Variants in SLC4A10 observed in about 807,000 individuals in gnomAD.
SLC4A10 encodes solute carrier family 4 member 10, also known as sodium-driven chloride bicarbonate exchanger.
A neutral mutation model predicts 137.7 loss-of-function variants in SLC4A10; 42 were observed. The observed-to-expected ratio is 0.30, with a 90% CI of 0.24 to 0.39. The LOEUF is 0.39. SLC4A10 is among the 10% of genes least tolerant of loss of function. The pLI is 1.00. For synonymous variants in SLC4A10, 474 were observed against 464.1 expected (o/e 1.02, Z -0.27); for missense variants, 925 against 1,355.0 (o/e 0.68, Z 4.98).
intron 24 of SLC4A10, among the ~76,000 whole-genome samples, chr2:161,975,565 C>A (rs1013018897): frequency 6.6e-6 from 1 of 152,010 alleles, no homozygotes; most frequent in African/African-American, 2.4e-5. Flanking sequence ...CTTTGAATTA[C>A]CAGGAAACTA....
In SLC4A10 at chr2:161,904,233, T is replaced by C. The variant is rs967997592; in HGVS notation, c.1617+55T>C. The C allele has an allele frequency of 1.3e-5, 20 of 1,511,458 alleles. No individual in the cohort carries two copies. The Admixed American group carries it at 4.2e-4, about 32-fold the overall frequency. 93.6% of individuals were successfully genotyped at this position (1,511,458 alleles called of 1,614,324 possible). On this transcript the variant is annotated intron_variant, in intron 13 of 26. Transcript: ENST00000446997. Reference sequence around the variant, plus strand: ...AAACATAATCCATTTTTAAGATTCATAGTTAGATAAGTGAGCATTTAATTT... The same window carrying C: ...AAACATAATCCATTTTTAAGATTCACAGTTAGATAAGTGAGCATTTAATTT...
At chr2:161,846,977 A>T (rs926362586) in intron 4 of SLC4A10, among the ~76,000 whole-genome samples, 5 of 152,012 alleles carry the variant, frequency 3.3e-5, no homozygotes, top group African/African-American at 1.2e-4. Flanking sequence ...TCATGCCTGT[A>T]ATCCCAGCAC....
chr2:161,975,025 A>C (rs1182158334), intron 24 of SLC4A10, among the ~76,000 whole-genome samples: 1 of 152,164 alleles, frequency 6.6e-6, no homozygotes, highest in Non-Finnish European at 1.5e-5. Flanking sequence ...TTATGCCAAT[A>C]AAAATACAGA....
intron 26 of SLC4A10, among the ~76,000 whole-genome samples, chr2:161,978,247 C>T (rs1451015479): frequency 1.3e-5 from 2 of 151,488 alleles, no homozygotes. Flanking sequence ...ATTAGCCAGG[C>T]GTGGTGGCGG....
intron 3 of SLC4A10, among the ~76,000 whole-genome samples, chr2:161,833,728 G>A (rs1437261586): frequency 6.6e-6 from 1 of 152,182 alleles, no homozygotes; most frequent in Non-Finnish European, 1.5e-5. Flanking sequence ...AGAGAGTCAT[G>A]CACTTTTTAA....
intron 3 of SLC4A10, among the ~76,000 whole-genome samples, chr2:161,836,533 A>AG (rs2058790081): frequency 1.4e-4 from 1 of 7,354 alleles, no homozygotes; most frequent in East Asian, 0.016. Context: ...AGAGAGAGAG[A>AG]AAGAAAGAAA....
At chr2:161,977,483 T>G (rs1699567267) in intron 25 of SLC4A10, among the ~76,000 whole-genome samples, 1 of 152,026 alleles carries the variant, frequency 6.6e-6, no homozygotes, top group Non-Finnish European at 1.5e-5. Flanking sequence ...ATATCAACAG[T>G]CATCAAAGGA....
chr2:161,819,537 C>T (rs1219144308), intron 3 of SLC4A10, among the ~76,000 whole-genome samples: 5 of 150,808 alleles, frequency 3.3e-5, no homozygotes, highest in African/African-American at 7.3e-5. Flanking sequence ...CTCTGTTGGC[C>T]AGGCTGCAGT....
chr2:161,759,187 C>T (rs2049982350), intron 1 of SLC4A10, among the ~76,000 whole-genome samples: 1 of 151,852 alleles, frequency 6.6e-6, no homozygotes, highest in Admixed American at 6.6e-5. Flanking sequence ...CTTTCCCCAG[C>T]TTTATTGAAG....
chr2:161,755,918 T>C (rs1249879405), intron 1 of SLC4A10, among the ~76,000 whole-genome samples: 1 of 151,850 alleles, frequency 6.6e-6, no homozygotes, highest in East Asian at 1.9e-4. Context: ...TACAGGCCTG[T>C]GCCACCATGC....
chr2:161,801,295 T>G (rs999497415), intron 2 of SLC4A10, among the ~76,000 whole-genome samples: 5 of 152,052 alleles, frequency 3.3e-5, no homozygotes, highest in Non-Finnish European at 7.4e-5. Flanking sequence ...TCTTGCTCTT[T>G]TTATCATTTC....
chr2:161,635,157 C>T (rs888892114), intron 1 of SLC4A10, among the ~76,000 whole-genome samples: 5 of 151,678 alleles, frequency 3.3e-5, no homozygotes, highest in Admixed American at 1.3e-4. Flanking sequence ...AAAATGAGTG[C>T]CCTTTATGTA....
chr2:161,702,989 C>T lies in SLC4A10; in HGVS notation c.49-67984C>T, dbSNP rs377687182. Among the ~76,000 whole-genome samples the T allele has an allele frequency of 1.2e-3, 176 of 151,776 alleles. 2 individuals are homozygous for T. The South Asian group carries it at 0.02, about 17-fold the overall frequency. Reference sequence around the variant, plus strand: ...CTTTCCTTTTCCATTTTCATATTAACTTTTTGAGACCATTTTTCTACATAG... The same window carrying T: ...CTTTCCTTTTCCATTTTCATATTAATTTTTTGAGACCATTTTTCTACATAG... On this transcript the variant is annotated intron_variant, in intron 1 of 26. Transcript: ENST00000446997.
At chr2:161,832,308 A>G (rs2100213) in intron 3 of SLC4A10, among the ~76,000 whole-genome samples, 10,268 of 152,256 alleles carry the variant, frequency 0.067, 453 homozygotes, top group East Asian at 0.17. Flanking sequence ...GGCTTTTGCT[A>G]GCATCCATAA....
At chr2:161,838,366 A>G (rs1212584885) in intron 3 of SLC4A10, among the ~76,000 whole-genome samples, 1 of 152,156 alleles carries the variant, frequency 6.6e-6, no homozygotes, top group Non-Finnish European at 1.5e-5. Context: ...GTAAAATATA[A>G]TATATGAAAC....
At chr2:161,792,695 C>T (rs2054335527) in intron 2 of SLC4A10, among the ~76,000 whole-genome samples, 1 of 152,104 alleles carries the variant, frequency 6.6e-6, no homozygotes, top group African/African-American at 2.4e-5. Context: ...CCAATTAGGA[C>T]ATGTCTCAAG....
At chr2:161,805,011 A>T (rs1042577091) in intron 3 of SLC4A10, among the ~76,000 whole-genome samples, 7 of 152,138 alleles carry the variant, frequency 4.6e-5, no homozygotes, top group Non-Finnish European at 7.3e-5. Flanking sequence ...ACATACCCGG[A>T]CTAGACAATT....
intron 1 of SLC4A10, among the ~76,000 whole-genome samples, chr2:161,729,246 T>TAAAA (rs1254387535): frequency 6.6e-6 from 1 of 151,888 alleles, no homozygotes; most frequent in Non-Finnish European, 1.5e-5. Flanking sequence ...AAGAAATAAA[T>TAAAA]AAAACCATTT....
intron 15 of SLC4A10, among the ~76,000 whole-genome samples, chr2:161,931,629 T>C (rs1403705582): frequency 6.6e-6 from 1 of 152,212 alleles, no homozygotes; most frequent in African/African-American, 2.4e-5. Flanking sequence ...AATGGAGCTT[T>C]AAAAAAATTA....
Sources: allele counts gnomAD v4.1 joint callset (sites outside exome capture counted in the v4.1 genomes callset), GRCh38; gene constraint gnomAD v4.1.1; transcripts MANE v1.5; gene names NCBI Gene and HGNC (gene_info 2026-07-23, HGNC 2026-07-21).